Variants in ACSS3 observed in about 807,000 individuals in gnomAD.
ACSS3 encodes the protein acyl-CoA synthetase short chain family member 3, also known as acyl-CoA synthetase short-chain family member 3, mitochondrial.
In ACSS3, 64 loss-of-function variants were observed where a neutral mutation model predicts 84.2. The ratio of observed to expected loss-of-function variants is 0.76; its 90% CI spans 0.62 to 0.94. The LOEUF (loss-of-function observed/expected upper bound fraction) is 0.94. Ranked by LOEUF, ACSS3 falls within the 40% of genes least tolerant of loss-of-function variation. ACSS3 has a pLI of 0.00. For missense variants in ACSS3, 815 were observed against 867.6 expected (o/e 0.94, Z 0.76); for synonymous variants, 317 against 310.1 (o/e 1.02, Z -0.23).
intron 9 of ACSS3, among the ~76,000 whole-genome samples, chr12:81,206,603 C>T (rs1232517473): frequency 2.0e-5 from 3 of 151,952 alleles, no homozygotes; most frequent in South Asian, 2.1e-4. Context: ...CTAGAGATGG[C>T]GTGACAGCAT....
At chr12:81,211,836 A>G (rs565997909) in intron 9 of ACSS3, among the ~76,000 whole-genome samples, 63 of 152,312 alleles carry the variant, frequency 4.1e-4, no homozygotes, top group Middle Eastern at 3.4e-3. Flanking sequence ...GTATTCCTGC[A>G]TGATCTGCCT....
At chr12:81,237,946 A>C (rs1014634518) in intron 13 of ACSS3, among the ~76,000 whole-genome samples, 1 of 151,432 alleles carries the variant, frequency 6.6e-6, no homozygotes, top group South Asian at 2.1e-4. Context: ...TCTTAGTGGG[A>C]AAGTTTTGAA....
chr12:81,199,528 A>G (rs2032004858), intron 9 of ACSS3, 84 bp downstream of exon 9: 1 of 1,488,214 alleles, frequency 6.7e-7, no homozygotes, highest in South Asian at 1.2e-5. Context: ...TTGAGCTACG[A>G]CCAGCAGATC....
At chr12:81,081,440 TG>T (rs1880969425) in intron 1 of ACSS3, among the ~76,000 whole-genome samples, 1 of 152,186 alleles carries the variant, frequency 6.6e-6, no homozygotes, top group Non-Finnish European at 1.5e-5. Flanking sequence ...CCTGGCTCTT[TG>T]GGTAATAAAG....
chr12:81,080,080 G>T (rs952637646), intron 1 of ACSS3, among the ~76,000 whole-genome samples: 97 of 152,170 alleles, frequency 6.4e-4, no homozygotes, highest in African/African-American at 2.3e-3. Context: ...ATTTTATGTG[G>T]CCATCTCCAT....
In ACSS3 at chr12:81,255,758, T is replaced by C. The variant is rs1210738453; in HGVS notation, c.*836T>C. On this transcript the variant is annotated 3_prime_UTR_variant, in exon 16 of 16. Transcript: ENST00000548058. ...GTTGCAGTGAGCCAAGTTCCCCCAC[T>C]GTACTCCAGCCTGGGTGACAGAGTA... The C allele has an allele frequency of 1.6e-4, 24 of 152,232 alleles. No individual in the cohort carries two copies. Among genetic ancestry groups the C allele is most frequent in the Admixed American group, 1.6e-3 (24 of 15,276 alleles). 9.4% of individuals were successfully genotyped at this position (152,232 alleles called of 1,614,324 possible). A position where few individuals can be genotyped will look rare whatever the true frequency, so the allele number is the denominator to read the frequency against.
chr12:81,192,982 T>C (rs2031649411), intron 8 of ACSS3, among the ~76,000 whole-genome samples: 1 of 152,128 alleles, frequency 6.6e-6, no homozygotes, highest in Non-Finnish European at 1.5e-5. Flanking sequence ...TAGAGGGTTG[T>C]ACTTGAAAAA....
At chr12:81,254,188 C>T (rs1442843564) in intron 15 of ACSS3, among the ~76,000 whole-genome samples, 2 of 152,110 alleles carry the variant, frequency 1.3e-5, no homozygotes, top group Non-Finnish European at 2.9e-5. Context: ...CCTCAACCTC[C>T]CAAAGTGCTG....
chr12:81,217,092 A>G (rs1438628183), intron 10 of ACSS3, 96 bp downstream of exon 10: 8 of 910,436 alleles, frequency 8.8e-6, no homozygotes, highest in Non-Finnish European at 1.3e-5. Context: ...TAGGGGCTTA[A>G]TTAGAATCTG....
intron 1 of ACSS3, among the ~76,000 whole-genome samples, chr12:81,080,663 G>A (rs1176990246): frequency 6.6e-6 from 1 of 152,106 alleles, no homozygotes; most frequent in Non-Finnish European, 1.5e-5. Context: ...GACTGCATTG[G>A]ATACCTAAAT....
intron 2 of ACSS3, among the ~76,000 whole-genome samples, chr12:81,132,420 G>A (rs1885563639): frequency 1.3e-5 from 2 of 152,128 alleles, no homozygotes; most frequent in African/African-American, 4.8e-5. Context: ...TTGCATAGAG[G>A]TGTTTATAGT....
chr12:81,122,322 C>G (rs1467005622), intron 2 of ACSS3, among the ~76,000 whole-genome samples: 1 of 151,920 alleles, frequency 6.6e-6, no homozygotes, highest in Non-Finnish European at 1.5e-5. Context: ...TCTCTACCGA[C>G]TCTACTTGGA....
intron 7 of ACSS3, among the ~76,000 whole-genome samples, chr12:81,169,157 A>G (rs936186747): frequency 2.6e-5 from 4 of 152,204 alleles, no homozygotes; most frequent in Admixed American, 6.5e-5. Flanking sequence ...TGGTGTGAAT[A>G]AGATGGAGAA....
At position 81,139,268 on chromosome 12, in the gene ACSS3, A is replaced by G. The variant is rs764941939; in HGVS notation, c.780+3A>G. On this transcript the variant is annotated splice_donor_region_variant and intron_variant, in intron 4 of 15. Coordinates refer to ENST00000548058, the MANE Select transcript of ACSS3 (RefSeq NM_024560.4). ...TCATTTATAATCGTCCAAATATGGT[A>G]ATCTGAATATTGAATTTGGTTCTTG... 1 of 1,613,638 alleles carries G rather than the reference A, an allele frequency of 6.2e-7. No individual in the cohort carries two copies. The highest frequency in any genetic ancestry group is 1.7e-5 in the Admixed American group (1 of 59,996).
At position 81,078,174 on chromosome 12, in the gene ACSS3, A is replaced by G; in HGVS notation, c.54A>G (p.Gly18=). 1 of 1,524,588 alleles carries G rather than the reference A, an allele frequency of 6.6e-7. No individual in the cohort carries two copies. The highest frequency in any genetic ancestry group is 8.8e-7 in the Non-Finnish European group (1 of 1,141,108). 94.4% of individuals were successfully genotyped at this position (1,524,588 alleles called of 1,614,324 possible). ...CRKVTSAGGL[G]GPLPGSSPAR... ...AAGTCACCAGCGCCGGGGGGCTCGG[A>G]GGGCCCTTGCCTGGGTCCTCTCCGG... The change falls in exon 1 of 16, where the codon GGA becomes GGG. Residue 18 remains glycine (G), a synonymous_variant. Coordinates refer to ENST00000548058, the MANE Select transcript of ACSS3 (RefSeq NM_024560.4).
At chr12:81,168,515 A>G (rs1220214715) in intron 7 of ACSS3, among the ~76,000 whole-genome samples, 1 of 152,166 alleles carries the variant, frequency 6.6e-6, no homozygotes, top group East Asian at 1.9e-4. Flanking sequence ...AAGTAGTGAT[A>G]CAACCAACGA....
Position 81,137,128 on chromosome 12 carries a change from T to G in ACSS3, c.646-2003T>G, listed in dbSNP as rs186094361. 4.8e-4 allele frequency among the ~76,000 whole-genome samples: 59 copies of G among 121,982 alleles called. 1 individual carries two copies. The East Asian group carries it at 8.8e-3, about 18-fold the overall frequency. 80.0% of individuals were successfully genotyped at this position (121,982 alleles called of 152,430 possible). On this transcript the variant is annotated intron_variant, in intron 3 of 15. Transcript: ENST00000548058. The stretch of plus-strand genomic sequence containing the variant: ...ATTTGTGGACAAACCATCTGGGTCC[T>G]TTTTTATCTTTTTTTTTTTCTTTTT...
At chr12:81,198,776 A>G (rs559823971) in intron 8 of ACSS3, among the ~76,000 whole-genome samples, 16 of 152,250 alleles carry the variant, frequency 1.1e-4, no homozygotes, top group African/African-American at 3.9e-4. Flanking sequence ...TTTGACTTCC[A>G]AGGCCACAGT....
At chr12:81,174,603 C>T (rs1348213529) in intron 7 of ACSS3, 185 bp from the exon 8 acceptor site, 1 of 521,250 alleles carries the variant, frequency 1.9e-6, no homozygotes, top group Non-Finnish European at 3.2e-6. Context: ...ATGGAGCAAA[C>T]AGTCTCTGTT....
Sources: allele counts gnomAD v4.1 joint callset (sites outside exome capture counted in the v4.1 genomes callset), GRCh38; gene constraint gnomAD v4.1.1; transcripts MANE v1.5; gene names NCBI Gene and HGNC (gene_info 2026-07-23, HGNC 2026-07-21).